CNTN5: variants seen among roughly 807,000 people sequenced by gnomAD.
The protein encoded by CNTN5 is contactin-5.
CNTN5 carries 77 observed loss-of-function variants against 129.1 expected under a neutral mutation model. The ratio of observed to expected loss-of-function variants is 0.60; its 90% CI spans 0.50 to 0.72. CNTN5 has a LOEUF of 0.72. Among genes scored for constraint, CNTN5 ranks in the 30% least tolerant of loss-of-function variants. CNTN5 has a pLI of 0.00. For missense variants in CNTN5, 1,478 were observed against 1,328.8 expected, an observed-to-expected ratio of 1.11 and a Z score of -1.75; for synonymous variants, 509 against 465.6, an observed-to-expected ratio of 1.09 and a Z score of -1.20.
intron 8 of CNTN5, among the ~76,000 whole-genome samples, chr11:99,964,227 C>T (rs978063685): frequency 2.0e-5 from 3 of 150,302 alleles, no homozygotes; most frequent in African/African-American, 5.0e-5. Flanking sequence ...GAGGGCATCC[C>T]TGTCTTGTGC....
chr11:99,715,049 G>A (rs914787051), intron 3 of CNTN5, among the ~76,000 whole-genome samples: 3 of 151,880 alleles, frequency 2.0e-5, no homozygotes, highest in African/African-American at 7.3e-5. Flanking sequence ...ACCTAACTTA[G>A]GAGTGTGTTA....
chr11:99,108,134 AG>A (rs1450806241), intron 1 of CNTN5, among the ~76,000 whole-genome samples: 3 of 152,068 alleles, frequency 2.0e-5, no homozygotes, highest in Non-Finnish European at 4.4e-5. Flanking sequence ...ATTACTTGGA[AG>A]GGAGGATAGC....
At chr11:100,270,900 A>T (rs180861672) in intron 17 of CNTN5, among the ~76,000 whole-genome samples, 192 bp from the exon 18 acceptor site, 12 of 152,330 alleles carry the variant, frequency 7.9e-5, no homozygotes, top group African/African-American at 2.9e-4. Flanking sequence ...AAACTTTGAC[A>T]TATGTAAGTG....
chr11:99,738,636 T>C (rs1049639032), intron 3 of CNTN5, among the ~76,000 whole-genome samples: 1 of 151,488 alleles, frequency 6.6e-6, no homozygotes, highest in Non-Finnish European at 1.5e-5. Context: ...TGTGTGTGTG[T>C]GTGTGTATGT....
rs1204213129 is a variant in CNTN5 at position 99,774,332 on chromosome 11, GT to G, written c.56-45202del. 8.7e-4 allele frequency among the ~76,000 whole-genome samples: 127 copies of G among 146,526 alleles called. No homozygotes were observed. In the East Asian group the frequency reaches 0.013, roughly 15 times the overall value. ...AATGATTAGCTTTAGAAAACTTCAGGTTTTTTTTTTGGGGGGGTGGGTGTTA... is the reference window on the plus strand; with the variant it reads ...AATGATTAGCTTTAGAAAACTTCAGGTTTTTTTTTGGGGGGGTGGGTGTTA... On this transcript the variant is annotated intron_variant, in intron 3 of 24. Coordinates refer to ENST00000524871, the MANE Select transcript of CNTN5 (RefSeq NM_014361.4).
At chr11:100,060,216 A>T (rs1490072372) in intron 9 of CNTN5, among the ~76,000 whole-genome samples, 5 of 85,082 alleles carry the variant, frequency 5.9e-5, no homozygotes, top group Non-Finnish European at 1.1e-4. Context: ...AAAAAATATT[A>T]AAAAAAAAAA....
At chr11:99,909,796 C>G (rs1195777723) in intron 6 of CNTN5, among the ~76,000 whole-genome samples, 2 of 151,744 alleles carry the variant, frequency 1.3e-5, no homozygotes, top group Admixed American at 1.3e-4. Flanking sequence ...GAACATCACA[C>G]ACCGGGGCCT....
intron 6 of CNTN5, among the ~76,000 whole-genome samples, chr11:99,860,848 A>G (rs1032450949): frequency 1.2e-4 from 18 of 151,846 alleles, no homozygotes; most frequent in Non-Finnish European, 2.1e-4. Flanking sequence ...AATGATACCA[A>G]TAGTTTGATA....
intron 1 of CNTN5, among the ~76,000 whole-genome samples, chr11:99,171,041 G>T (rs1861124570): frequency 6.6e-6 from 1 of 151,958 alleles, no homozygotes; most frequent in Admixed American, 6.5e-5. Context: ...TAACATGACT[G>T]CATCACATAC....
At chr11:99,522,545 G>A (rs1046952908) in intron 2 of CNTN5, among the ~76,000 whole-genome samples, 3 of 152,070 alleles carry the variant, frequency 2.0e-5, no homozygotes, top group African/African-American at 7.2e-5. Context: ...GATACTTCTT[G>A]TAATTCTCTA....
intron 21 of CNTN5, among the ~76,000 whole-genome samples, chr11:100,319,184 G>A (rs1196558399): frequency 2.8e-5 from 4 of 140,616 alleles, no homozygotes; most frequent in African/African-American, 8.0e-5. Flanking sequence ...ATGGAGTCTC[G>A]CTCTATTGCC....
intron 2 of CNTN5, among the ~76,000 whole-genome samples, chr11:99,452,936 C>T (rs1944362281): frequency 2.0e-5 from 3 of 152,108 alleles, no homozygotes; most frequent in African/African-American, 7.2e-5. Flanking sequence ...TAGTAATTTT[C>T]CTCATCTTAT....
intron 1 of CNTN5, among the ~76,000 whole-genome samples, chr11:99,255,447 TTTAAAGATTTTAGA>T (rs1375557120): frequency 6.6e-6 from 1 of 151,464 alleles, no homozygotes; most frequent in African/African-American, 2.4e-5. Context: ...GTAAATTCTG[TTTAAAGATTTTAGA>T]ATGCCTAATA....
intron 1 of CNTN5, among the ~76,000 whole-genome samples, chr11:99,255,130 G>A (rs1862310516): frequency 6.6e-6 from 1 of 151,952 alleles, no homozygotes; most frequent in Admixed American, 6.6e-5. Context: ...TATAGGGTGA[G>A]TCACCTGTGC....
At chr11:99,447,932 AAT>A (rs1944138440) in intron 2 of CNTN5, among the ~76,000 whole-genome samples, 1 of 152,198 alleles carries the variant, frequency 6.6e-6, no homozygotes. Flanking sequence ...CTAAAAATAA[AAT>A]AAAATAAAAA....
chr11:99,454,568 C>T (rs1176502888), intron 2 of CNTN5, among the ~76,000 whole-genome samples: 11 of 152,114 alleles, frequency 7.2e-5, no homozygotes, highest in Non-Finnish European at 1.6e-4. Flanking sequence ...AGTAGTCCAA[C>T]GCTTTACCTC....
At chr11:100,058,694 G>T (rs79835915) in intron 9 of CNTN5, among the ~76,000 whole-genome samples, 1,545 of 152,148 alleles carry the variant, frequency 0.01, 12 homozygotes, top group South Asian at 0.027. Flanking sequence ...TCGAAGATAC[G>T]TAAGGATGTT....
intron 9 of CNTN5, among the ~76,000 whole-genome samples, chr11:100,046,597 T>G (rs1481274875): frequency 1.3e-5 from 2 of 152,182 alleles, no homozygotes; most frequent in Non-Finnish European, 2.9e-5. Context: ...TGTAATTTAT[T>G]TATTTTATCT....
At chr11:99,403,647 A>G (rs1380074754) in intron 2 of CNTN5, among the ~76,000 whole-genome samples, 1 of 152,086 alleles carries the variant, frequency 6.6e-6, no homozygotes, top group African/African-American at 2.4e-5. Context: ...TTTAATTTCC[A>G]TATAGTCCTA....
Sources: gnomAD v4.1 joint callset for allele counts (sites outside exome capture counted in the v4.1 genomes callset) on GRCh38, gnomAD v4.1.1 for gene constraint, MANE v1.5 for transcripts, NCBI Gene and HGNC (gene_info 2026-07-23, HGNC 2026-07-21) for gene names.